Variants in MRPL21 observed in about 807,000 individuals in gnomAD.
The protein encoded by MRPL21 is mitochondrial ribosomal protein L21.
Under a neutral mutation model 27.3 loss-of-function variants are expected in MRPL21, and 20 were observed. The observed-to-expected ratio is 0.73, with a 90% CI of 0.52 to 1.06. The LOEUF (loss-of-function observed/expected upper bound fraction) is 1.06. Ranked by LOEUF, MRPL21 falls within the 50% of genes least tolerant of loss-of-function variation. The probability of loss-of-function intolerance (pLI) is 0.00; values close to 1 mark genes in which losing one functional copy is unlikely to be tolerated. For missense variants in MRPL21, 249 were observed against 251.4 expected (o/e 0.99, Z 0.06); for synonymous variants, 98 against 101.5 (o/e 0.97, Z 0.21).
Position 68,897,927 on chromosome 11 carries a change from C to G in MRPL21, c.232G>C (p.Glu78Gln). 3.1e-6 allele frequency: 5 copies of G among 1,613,742 alleles called. No homozygotes were observed. Among genetic ancestry groups the G allele is most frequent in the Non-Finnish European group, 4.2e-6 (5 of 1,179,634 alleles). Reference sequence around the variant, plus strand: ...CTTCTGTCTCCCAGGGAGGTCTTACCTGCATGGTGTCTGGTCTCCTCAACT... The same window carrying G: ...CTTCTGTCTCCCAGGGAGGTCTTACGTGCATGGTGTCTGGTCTCCTCAACT... ...DPVEETRHHA[E>Q]VVKKVNEMIV... is the part of the protein sequence containing the mutation. Residue 78 changes from glutamate (E) to glutamine (Q), a missense_variant and splice_region_variant, in exon 3 of 7, where the codon GAG becomes CAG. Transcript: ENST00000362034.
rs778903810 is a variant in MRPL21 at position 68,893,434 on chromosome 11, T to C, written c.418A>G (p.Asn140Asp). The change falls in exon 5 of 7, where the codon AAC becomes GAC. Residue 140 changes from asparagine to aspartate, a missense_variant. Coordinates refer to ENST00000362034, the MANE Select transcript of MRPL21 (RefSeq NM_181514.2). Reference protein sequence around the residue: ...LEKVLLVGADNFTLLGKPLLG... With the variant: ...LEKVLLVGADDFTLLGKPLLG... ...AGTGGCTTGCCAAGCAGCGTGAAGT[T>C]GTCTGCCCCAACCAGCAGGACCTGA... is the stretch of plus-strand genomic sequence containing the variant. 8.1e-6 allele frequency: 13 copies of C among 1,614,070 alleles called. No homozygotes were observed. In the African/African-American group the frequency reaches 1.6e-4, roughly 20 times the overall value.
chr11:68,895,280 A>C lies in MRPL21; in HGVS notation c.396+1235T>G, dbSNP rs117523055. On this transcript the variant is annotated intron_variant, in intron 4 of 6. Transcript: ENST00000362034. ...ACTCCTTCTCAAACAAACAAACAAA[A>C]AAAAAGAGTAGGCAAAAATCAAATA... 5.9e-3 allele frequency among the ~76,000 whole-genome samples: 896 copies of C among 152,222 alleles called. 7 individuals carry two copies. The highest frequency in any genetic ancestry group is 9.3e-3 in the Admixed American group (142 of 15,286).
intron 4 of MRPL21, among the ~76,000 whole-genome samples, chr11:68,894,051 AC>A (rs1857720757): frequency 6.8e-6 from 1 of 147,314 alleles, no homozygotes; most frequent in Admixed American, 6.8e-5. Flanking sequence ...ACAAAAAAAA[AC>A]AAAACCCTTT....
intron 5 of MRPL21, 105 bp from the exon 6 acceptor site, chr11:68,893,098 TA>T (rs1857694088): frequency 2.2e-6 from 3 of 1,375,336 alleles, no homozygotes; most frequent in Non-Finnish European, 2.9e-6. Context: ...TTGTTGATTA[TA>T]AAAGTAATAC....
At chr11:68,891,919 C>T in intron 6 of MRPL21, 1 of 532,008 alleles carries the variant, frequency 1.9e-6, no homozygotes, top group Non-Finnish European at 3.1e-6. Flanking sequence ...GGGTGCCATC[C>T]CTCAGGATGC....
chr11:68,899,024 G>C (rs941773516), intron 2 of MRPL21, among the ~76,000 whole-genome samples: 1 of 152,180 alleles, frequency 6.6e-6, no homozygotes, highest in Non-Finnish European at 1.5e-5. Flanking sequence ...CTGGCCTCAA[G>C]TGATCCGCCC....
intron 1 of MRPL21, 26 bp downstream of exon 1, chr11:68,903,697 C>T: frequency 6.2e-7 from 1 of 1,611,628 alleles, no homozygotes; most frequent in Non-Finnish European, 8.5e-7. Context: ...CTGCGTCCTC[C>T]CTTCCTCCCA....
chr11:68,893,319 C>T, intron 5 of MRPL21, 84 bp downstream of exon 5: 2 of 1,595,864 alleles, frequency 1.3e-6, no homozygotes. Flanking sequence ...TGCAACTCCC[C>T]ACCTGGCCTA....
intron 6 of MRPL21, chr11:68,891,703 G>C (rs1857651002): frequency 1.8e-6 from 1 of 541,128 alleles, no homozygotes; most frequent in African/African-American, 1.9e-5. Context: ...GGCCCCACCT[G>C]AGTGACCTTG....
At chr11:68,899,389 C>G (rs1857880245) in intron 2 of MRPL21, among the ~76,000 whole-genome samples, 1 of 152,182 alleles carries the variant, frequency 6.6e-6, no homozygotes, top group African/African-American at 2.4e-5. Flanking sequence ...ACACCAAAGA[C>G]CAGGCCCACC....
chr11:68,893,326 C>T (rs1243833569), intron 5 of MRPL21, 77 bp downstream of exon 5: 8 of 1,600,492 alleles, frequency 5.0e-6, no homozygotes, highest in Middle Eastern at 3.3e-4. Flanking sequence ...CCCCACCTGG[C>T]CTAATTGCAC....
At chr11:68,891,606 G>A (rs1258398919) in intron 6 of MRPL21, 5 of 605,994 alleles carry the variant, frequency 8.3e-6, no homozygotes, top group South Asian at 1.8e-5. Flanking sequence ...GACACCAGAC[G>A]CCTCATGGCC....
chr11:68,899,757 C>G (rs148682624), intron 2 of MRPL21, among the ~76,000 whole-genome samples: 5 of 152,306 alleles, frequency 3.3e-5, no homozygotes, highest in South Asian at 4.1e-4. Context: ...CTTTGAGAAG[C>G]AAGAAAGACT....
chr11:68,893,577 G>T, intron 4 of MRPL21, 122 bp from the exon 5 acceptor site: 1 of 1,264,302 alleles, frequency 7.9e-7, no homozygotes, highest in Non-Finnish European at 1.1e-6. Flanking sequence ...ATTGTGACAT[G>T]AATTTCATCT....
Position 68,893,579 on chromosome 11 carries a change from A to G in MRPL21, c.397-124T>C, listed in dbSNP as rs1857706644. On this transcript the variant is annotated intron_variant, in intron 4 of 6. Coordinates refer to ENST00000362034, the MANE Select transcript of MRPL21 (RefSeq NM_181514.2). ...AAAGACTGAAAACATTGTGACATGA[A>G]TTTCATCTGCTGTCTAATGATCTCT... 23 of 1,250,420 alleles carry G rather than the reference A, an allele frequency of 1.8e-5. No homozygotes were observed. In the South Asian group the frequency reaches 3.0e-4, roughly 16 times the overall value. 77.5% of individuals were successfully genotyped at this position (1,250,420 alleles called of 1,614,324 possible).
At chr11:68,891,836 G>T in intron 6 of MRPL21, 1 of 471,532 alleles carries the variant, frequency 2.1e-6, no homozygotes, top group South Asian at 5.5e-5. Context: ...GTTTAGGCCG[G>T]CAACTGCAGT....
chr11:68,893,454 A>T lies in MRPL21; in HGVS notation c.398T>A (p.Val133Asp). The T allele has an allele frequency of 6.2e-7, 1 of 1,614,242 alleles. No homozygotes were observed. The highest frequency in any genetic ancestry group is 8.5e-7 in the Non-Finnish European group (1 of 1,180,030). The change falls in exon 5 of 7, where the codon GTC (valine) becomes GAC (aspartate). Residue 133 changes from valine to aspartate, a missense_variant and splice_region_variant. Transcript: ENST00000362034. ...GAAGTTGTCTGCCCCAACCAGCAGG[A>T]CCTGAAAAATTCAACAGGTGTGTTT... ...ACGERIRLEK[V>D]LLVGADNFTL...
intron 4 of MRPL21, among the ~76,000 whole-genome samples, chr11:68,894,005 G>A (rs1241305554): frequency 6.6e-6 from 1 of 151,706 alleles, no homozygotes; most frequent in Non-Finnish European, 1.5e-5. Flanking sequence ...CAGCCTGGGC[G>A]ACAGAGCGAG....
intron 1 of MRPL21, among the ~76,000 whole-genome samples, chr11:68,901,614 C>A (rs144506494): frequency 6.6e-6 from 1 of 152,196 alleles, no homozygotes. Context: ...CCTCTCCTCT[C>A]CCATTTGGGC....
Sources: gnomAD v4.1 joint callset for allele counts (sites outside exome capture counted in the v4.1 genomes callset) on GRCh38, gnomAD v4.1.1 for gene constraint, MANE v1.5 for transcripts, NCBI Gene and HGNC (gene_info 2026-07-23, HGNC 2026-07-21) for gene names.